The following NALF1 variants were observed in gnomAD, a reference collection of about 807,000 sequenced individuals.
NALF1 encodes NALCN channel auxiliary factor 1, also known as family with sequence similarity 155 member A.
A neutral mutation model predicts 48.4 loss-of-function variants in NALF1; 3 were observed. The ratio of observed to expected loss-of-function variants is 0.06; its 90% CI spans 0.03 to 0.16. The LOEUF (loss-of-function observed/expected upper bound fraction) is 0.16, where lower values mean the gene tolerates loss of function less well. Among genes scored for constraint, NALF1 ranks in the 10% least tolerant of loss-of-function variants. The pLI is 1.00. For synonymous variants in NALF1, 262 were observed against 245.7 expected, an observed-to-expected ratio of 1.07 and a Z score of -0.62; for missense variants, 526 against 571.5, an observed-to-expected ratio of 0.92 and a Z score of 0.81.
At chr13:107,538,330 G>A (rs1239292373) in intron 1 of NALF1, among the ~76,000 whole-genome samples, 1 of 151,986 alleles carries the variant, frequency 6.6e-6, no homozygotes, top group Non-Finnish European at 1.5e-5. Flanking sequence ...GGTAATCCTT[G>A]AACCATTTTC....
intron 1 of NALF1, among the ~76,000 whole-genome samples, chr13:107,861,026 A>G (rs1316202942): frequency 2.0e-5 from 3 of 152,224 alleles, no homozygotes; most frequent in Non-Finnish European, 2.9e-5. Context: ...AACTAAAAAT[A>G]TGTATTCCAT....
intron 1 of NALF1, among the ~76,000 whole-genome samples, chr13:107,281,262 CGAT>C (rs1306539017): frequency 2.0e-5 from 3 of 152,174 alleles, no homozygotes; most frequent in Admixed American, 2.0e-4. Flanking sequence ...ACATGGTTGA[CGAT>C]GATAAGTCCC....
intron 1 of NALF1, among the ~76,000 whole-genome samples, chr13:107,331,933 G>A (rs1016787386): frequency 6.6e-6 from 1 of 152,062 alleles, no homozygotes; most frequent in Non-Finnish European, 1.5e-5. Flanking sequence ...AATAGTCAAT[G>A]AAAAACCAAG....
At chr13:107,859,914 CAAAAA>C (rs778833499) in intron 1 of NALF1, among the ~76,000 whole-genome samples, 1 of 66,494 alleles carries the variant, frequency 1.5e-5, no homozygotes, top group Admixed American at 1.8e-4. Flanking sequence ...AACTCCAACT[CAAAAA>C]AAAAAAAAAA....
chr13:107,622,478 A>C (rs1184766628), intron 1 of NALF1, among the ~76,000 whole-genome samples: 1 of 151,504 alleles, frequency 6.6e-6, no homozygotes, highest in African/African-American at 2.4e-5. Context: ...CAACAAAAAA[A>C]AAAAAACAGA....
chr13:107,751,814 T>C (rs944730799), intron 1 of NALF1, among the ~76,000 whole-genome samples: 1 of 152,180 alleles, frequency 6.6e-6, no homozygotes, highest in Non-Finnish European at 1.5e-5. Context: ...AATGTTTTAC[T>C]ATTGACTACT....
chr13:107,657,295 G>C (rs965468984), intron 1 of NALF1, among the ~76,000 whole-genome samples: 1 of 152,102 alleles, frequency 6.6e-6, no homozygotes, highest in Non-Finnish European at 1.5e-5. Flanking sequence ...AAATTATACA[G>C]GTACTACAAA....
Position 107,246,521 on chromosome 13 carries a change from T to C in NALF1, c.916-35766A>G, listed in dbSNP as rs1422151569. Among the ~76,000 whole-genome samples the C allele has an allele frequency of 2.6e-5, 4 of 152,168 alleles. No homozygotes were observed. The East Asian group carries it at 7.7e-4, about 29-fold the overall frequency. On this transcript the variant is annotated intron_variant, in intron 1 of 2. Coordinates refer to ENST00000375915, the MANE Select transcript of NALF1 (RefSeq NM_001080396.3). ...GATTTTTAAAAAAAGTCTTTTTCTG[T>C]TTTTCAGAGCAGGGTGAGAGGCCAC...
intron 1 of NALF1, among the ~76,000 whole-genome samples, chr13:107,717,934 G>A (rs1239157588): frequency 1.3e-5 from 2 of 151,936 alleles, no homozygotes; most frequent in East Asian, 1.9e-4. Flanking sequence ...TCCCCAACTC[G>A]CTGGTCCACA....
intron 1 of NALF1, among the ~76,000 whole-genome samples, chr13:107,742,480 G>T (rs889903830): frequency 1.3e-4 from 20 of 152,298 alleles, no homozygotes; most frequent in African/African-American, 4.8e-4. Context: ...CACAAGATCT[G>T]ATTGCTTTAT....
intron 1 of NALF1, among the ~76,000 whole-genome samples, chr13:107,742,402 C>G (rs1330648616): frequency 5.3e-5 from 8 of 152,174 alleles, no homozygotes; most frequent in Non-Finnish European, 1.2e-4. Context: ...GGGAAGGACC[C>G]AGGAGGGGAT....
chr13:107,715,009 T>C (rs911392861), intron 1 of NALF1, among the ~76,000 whole-genome samples: 2 of 152,162 alleles, frequency 1.3e-5, no homozygotes, highest in African/African-American at 2.4e-5. Context: ...TGAATTTTTT[T>C]ATTTTTGTGC....
chr13:107,857,037 C>T (rs1359522866), intron 1 of NALF1, among the ~76,000 whole-genome samples: 1 of 152,228 alleles, frequency 6.6e-6, no homozygotes, highest in African/African-American at 2.4e-5. Context: ...CTTCCTTCCA[C>T]AGGACAATTT....
intron 1 of NALF1, among the ~76,000 whole-genome samples, chr13:107,782,413 C>T (rs1455623143): frequency 2.0e-5 from 3 of 152,178 alleles, no homozygotes; most frequent in Non-Finnish European, 4.4e-5. Context: ...CAACCTCCAC[C>T]TCCCAGCCGC....
At chr13:107,798,606 C>A (rs9559161) in intron 1 of NALF1, among the ~76,000 whole-genome samples, 28,508 of 152,048 alleles carry the variant, frequency 0.19, 3,128 homozygotes, top group Admixed American at 0.31. Flanking sequence ...ATTTAAGAAG[C>A]AGATTAACAA....
intron 1 of NALF1, among the ~76,000 whole-genome samples, chr13:107,249,694 C>T (rs1346702206): frequency 6.6e-6 from 1 of 152,092 alleles, no homozygotes; most frequent in African/African-American, 2.4e-5. Context: ...ACTCTAACTT[C>T]CTTCCTTCCC....
At chr13:107,611,487 ATATTATTGTAGCATTT>A (rs1395092229) in intron 1 of NALF1, among the ~76,000 whole-genome samples, 1 of 112,864 alleles carries the variant, frequency 8.9e-6, no homozygotes, top group Non-Finnish European at 1.9e-5. Context: ...ATAACATGGA[ATATTATTGTAGCATTT>A]AAAAACAAGG....
At chr13:107,730,523 T>C (rs1275993691) in intron 1 of NALF1, among the ~76,000 whole-genome samples, 1 of 152,234 alleles carries the variant, frequency 6.6e-6, no homozygotes, top group Non-Finnish European at 1.5e-5. Context: ...ATTTATTGGC[T>C]GGAATCGAAA....
chr13:107,652,401 A>C (rs2138468858), intron 1 of NALF1, among the ~76,000 whole-genome samples: 1 of 152,356 alleles, frequency 6.6e-6, no homozygotes, highest in South Asian at 2.1e-4. Context: ...AGATAACTAA[A>C]TATAATATTG....
Sources: gnomAD v4.1 joint callset for allele counts (sites outside exome capture counted in the v4.1 genomes callset) on GRCh38, gnomAD v4.1.1 for gene constraint, MANE v1.5 for transcripts, NCBI Gene and HGNC (gene_info 2026-07-23, HGNC 2026-07-21) for gene names.